Variants in ELL observed in about 807,000 individuals in gnomAD.
The protein encoded by ELL is RNA polymerase II elongation factor ELL.
ELL carries 18 observed loss-of-function variants against 64.0 expected under a neutral mutation model. The observed-to-expected ratio is 0.28, with a 90% CI of 0.19 to 0.42. ELL has a LOEUF of 0.42. ELL is among the 10% of genes least tolerant of loss of function. The pLI, the probability that ELL is intolerant of heterozygous loss-of-function variation, is 1.00. For synonymous variants in ELL, 399 were observed against 376.2 expected (o/e 1.06, Z -0.70); for missense variants, 797 against 870.4 (o/e 0.92, Z 1.06).
At position 18,443,876 on chromosome 19, in the gene ELL, G is replaced by A. The variant is rs541554838; in HGVS notation, c.*876C>T. On this transcript the variant is annotated 3_prime_UTR_variant, in exon 12 of 12. Transcript: ENST00000262809. The stretch of plus-strand genomic sequence containing the variant: ...GGGACGGAGGGAGGCCAGCAGCATC[G>A]AGACCACAAGGTCTCAACAGTGTGG... 60 of 232,948 alleles carry A rather than the reference G, an allele frequency of 2.6e-4. No individual in the cohort carries two copies. Among genetic ancestry groups the A allele is most frequent in the African/African-American group, 1.1e-3 (50 of 45,424 alleles). 14.4% of individuals were successfully genotyped at this position (232,948 alleles called of 1,614,324 possible).
At position 18,444,718 on chromosome 19, in the gene ELL, G is replaced by T; in HGVS notation, c.*34C>A. 1 of 1,557,576 alleles carries T rather than the reference G, an allele frequency of 6.4e-7. No homozygotes were observed. The highest frequency in any genetic ancestry group is 1.1e-5 in the South Asian group (1 of 88,202). On this transcript the variant is annotated 3_prime_UTR_variant, in exon 12 of 12. Transcript: ENST00000262809. Reference sequence around the variant, plus strand: ...CTCTCTCACCGCCTTTTGCTCCCCCGACCCTCCCAGATCCCCGCCATCGGG... The same window carrying T: ...CTCTCTCACCGCCTTTTGCTCCCCCTACCCTCCCAGATCCCCGCCATCGGG...
intron 1 of ELL, among the ~76,000 whole-genome samples, chr19:18,482,322 T>C (rs1241439622): frequency 1.5e-4 from 20 of 134,420 alleles, no homozygotes; most frequent in African/African-American, 5.1e-4. Context: ...TTTTTTTTTT[T>C]TTTTTTTTTT....
chr19:18,515,773 G>A (rs1329065270), intron 1 of ELL, among the ~76,000 whole-genome samples: 1 of 152,216 alleles, frequency 6.6e-6, no homozygotes, highest in African/African-American at 2.4e-5. Context: ...CTCCCCTTCA[G>A]GTCAAGACCC....
At chr19:18,450,394 C>T (rs1389426123) in intron 8 of ELL, 83 bp downstream of exon 8, 19 of 1,542,686 alleles carry the variant, frequency 1.2e-5, no homozygotes, top group Non-Finnish European at 1.6e-5. Flanking sequence ...ACAGCTTGAG[C>T]CCCCTCGACA....
intron 6 of ELL, among the ~76,000 whole-genome samples, chr19:18,457,363 G>T (rs1235417673): frequency 6.6e-6 from 1 of 152,162 alleles, no homozygotes; most frequent in East Asian, 1.9e-4. Context: ...CGGGTCTTCT[G>T]CCAAGACTGT....
intron 1 of ELL, among the ~76,000 whole-genome samples, chr19:18,515,356 C>T (rs1237247593): frequency 6.6e-6 from 1 of 152,254 alleles, no homozygotes; most frequent in Non-Finnish European, 1.5e-5. Context: ...GGCAGCCCAC[C>T]TGTTCCACCC....
chr19:18,496,021 A>C lies in ELL; in HGVS notation c.136-23139T>G, dbSNP rs138757940. 2.5e-3 allele frequency among the ~76,000 whole-genome samples: 376 copies of C among 152,272 alleles called. 2 individuals carry two copies. The highest frequency in any genetic ancestry group is 4.3e-3 in the Non-Finnish European group (291 of 68,012). On this transcript the variant is annotated intron_variant, in intron 1 of 11. Transcript: ENST00000262809. ...CGTTTGGAGGTGATGTGGGAGGTTT[A>C]TATGGGGACTGCAGAGGGCGTGGAG...
chr19:18,495,812 C>T (rs1420404148), intron 1 of ELL, among the ~76,000 whole-genome samples: 1 of 152,214 alleles, frequency 6.6e-6, no homozygotes. Context: ...CTGACCAAGA[C>T]CTGGGCTGTA....
chr19:18,521,193 C>T (rs1269979745), intron 1 of ELL, among the ~76,000 whole-genome samples: 3 of 152,084 alleles, frequency 2.0e-5, no homozygotes, highest in Admixed American at 6.6e-5. Context: ...AACATCACAG[C>T]CGCCCCCAAC....
At chr19:18,453,247 C>A (rs1353951584) in intron 6 of ELL, among the ~76,000 whole-genome samples, 4 of 152,246 alleles carry the variant, frequency 2.6e-5, no homozygotes, top group Admixed American at 2.6e-4. Flanking sequence ...GCACTCCAGT[C>A]TGGGCAACAA....
rs549915000 is a variant in ELL, at chr19:18,465,789, C to G, written c.305+8G>C. The G allele has an allele frequency of 2.1e-6, 3 of 1,415,156 alleles. No homozygotes were observed. The highest frequency in any genetic ancestry group is 2.7e-5 in the Admixed American group (1 of 36,598). The allele number at this position is 1,415,156 out of a possible 1,614,324, so 87.7% of individuals were successfully genotyped here. A position where few individuals can be genotyped will look rare whatever the true frequency, so the allele number is the denominator to read the frequency against. The stretch of plus-strand genomic sequence containing the variant: ...GGCGGGGTGCTCTGGGGTGGGGCGG[C>G]GCCTCACCTGGAGACATACTGCTGG... On this transcript the variant is annotated splice_region_variant and intron_variant, in intron 3 of 11. Coordinates refer to ENST00000262809, the MANE Select transcript of ELL (RefSeq NM_006532.4).
chr19:18,519,561 C>T (rs759832005), intron 1 of ELL, among the ~76,000 whole-genome samples: 3 of 152,110 alleles, frequency 2.0e-5, no homozygotes, highest in South Asian at 4.1e-4. Flanking sequence ...AGTCCCAGCA[C>T]TTTTAGAGGC....
At chr19:18,472,686 A>G in intron 2 of ELL, 149 bp downstream of exon 2, 1 of 957,422 alleles carries the variant, frequency 1.0e-6, no homozygotes, top group Non-Finnish European at 1.6e-6. Flanking sequence ...CCAAGGGGCT[A>G]TCCTGGGGGC....
intron 2 of ELL, among the ~76,000 whole-genome samples, chr19:18,470,666 A>C (rs1975045759): frequency 6.6e-6 from 1 of 152,154 alleles, no homozygotes; most frequent in Admixed American, 6.6e-5. Context: ...CTCTGTGGAC[A>C]TGGTTACCAT....
intron 1 of ELL, among the ~76,000 whole-genome samples, chr19:18,511,304 C>T (rs1337967286): frequency 6.6e-6 from 1 of 151,940 alleles, no homozygotes; most frequent in Non-Finnish European, 1.5e-5. Flanking sequence ...GTGGTGGGCG[C>T]CTGTAATCCC....
chr19:18,519,485 C>T (rs974422380), intron 1 of ELL, among the ~76,000 whole-genome samples: 1 of 152,176 alleles, frequency 6.6e-6, no homozygotes, highest in Non-Finnish European at 1.5e-5. Flanking sequence ...ATCCACTATA[C>T]TGCCCCATGG....
At chr19:18,461,245 A>G (rs898559020) in intron 5 of ELL, among the ~76,000 whole-genome samples, 1 of 152,206 alleles carries the variant, frequency 6.6e-6, no homozygotes, top group Non-Finnish European at 1.5e-5. Context: ...CCTTGAGTCC[A>G]CAAATCGTCT....
chr19:18,470,998 G>A (rs1351536713), intron 2 of ELL: 1 of 456,510 alleles, frequency 2.2e-6, no homozygotes, highest in South Asian at 1.5e-5. Flanking sequence ...GGATCATCAT[G>A]TCCATATCCC....
intron 4 of ELL, among the ~76,000 whole-genome samples, chr19:18,464,524 G>C (rs976012647): frequency 6.6e-6 from 1 of 152,194 alleles, no homozygotes; most frequent in Non-Finnish European, 1.5e-5. Flanking sequence ...TGTTGACCAG[G>C]AAGACCAACC....
Sources: gnomAD v4.1 joint callset for allele counts (sites outside exome capture counted in the v4.1 genomes callset) on GRCh38, gnomAD v4.1.1 for gene constraint, MANE v1.5 for transcripts, NCBI Gene and HGNC (gene_info 2026-07-23, HGNC 2026-07-21) for gene names.